Variants in PAFAH1B1 observed in about 807,000 individuals in gnomAD.
The protein encoded by PAFAH1B1 is platelet activating factor acetylhydrolase 1b regulatory subunit 1.
In PAFAH1B1, 2 loss-of-function variants were observed where a neutral mutation model predicts 57.5. The observed-to-expected ratio is 0.03, with a 90% confidence interval of 0.01 to 0.11. The LOEUF is 0.11. Among genes scored for constraint, PAFAH1B1 ranks in the 10% least tolerant of loss-of-function variants. PAFAH1B1 has a pLI of 1.00. For missense variants in PAFAH1B1, 257 were observed against 512.0 expected (o/e 0.50, Z 4.81); for synonymous variants, 152 against 169.6 (o/e 0.90, Z 0.81).
chr17:2,596,445 T>C (rs1247889867), intron 1 of PAFAH1B1, among the ~76,000 whole-genome samples: 1 of 152,180 alleles, frequency 6.6e-6, no homozygotes, highest in Non-Finnish European at 1.5e-5. Flanking sequence ...CCTTCAGATC[T>C]TTTCTCTTGT....
intron 2 of PAFAH1B1, among the ~76,000 whole-genome samples, chr17:2,664,692 CTT>C (rs767130424): frequency 0.029 from 1,624 of 55,358 alleles, 54 homozygotes; most frequent in Middle Eastern, 0.058. Flanking sequence ...CTCTCTCTCT[CTT>C]TCTCTCTCCA....
chr17:2,623,265 T>C (rs867387448), intron 1 of PAFAH1B1, among the ~76,000 whole-genome samples: 20 of 142,164 alleles, frequency 1.4e-4, no homozygotes, highest in African/African-American at 2.2e-4. Context: ...TCCTTTCTTT[T>C]TTTTTTTTTT....
intron 1 of PAFAH1B1, among the ~76,000 whole-genome samples, chr17:2,625,170 C>G (rs375060661): frequency 6.6e-6 from 1 of 152,046 alleles, no homozygotes; most frequent in African/African-American, 2.4e-5. Flanking sequence ...ATTCTGCATT[C>G]CAAAAGCATA....
chr17:2,666,902 C>T (rs543717219), intron 4 of PAFAH1B1, 90 bp from the exon 5 acceptor site: 15 of 873,440 alleles, frequency 1.7e-5, no homozygotes, highest in African/African-American at 1.3e-4. Context: ...ATCCTACATA[C>T]ATAGTTGCAA....
intron 1 of PAFAH1B1, among the ~76,000 whole-genome samples, chr17:2,627,873 T>C (rs572837136): frequency 6.6e-6 from 1 of 152,330 alleles, no homozygotes; most frequent in African/African-American, 2.4e-5. Flanking sequence ...GATTTGATCC[T>C]CTGCTTAGTT....
intron 1 of PAFAH1B1, among the ~76,000 whole-genome samples, chr17:2,616,268 T>A (rs1330805718): frequency 1.3e-5 from 2 of 152,184 alleles, no homozygotes; most frequent in Non-Finnish European, 2.9e-5. Flanking sequence ...CGGTTCTATA[T>A]TATAGAAGAA....
intron 2 of PAFAH1B1, among the ~76,000 whole-genome samples, chr17:2,651,701 T>C (rs1173429390): frequency 2.0e-5 from 3 of 152,214 alleles, no homozygotes; most frequent in Admixed American, 6.5e-5. Flanking sequence ...CTTAAGTGTT[T>C]TCCGTAGTAA....
chr17:2,609,279 G>A (rs752885504), intron 1 of PAFAH1B1, among the ~76,000 whole-genome samples: 4 of 152,082 alleles, frequency 2.6e-5, no homozygotes, highest in Non-Finnish European at 4.4e-5. Flanking sequence ...CAAAGTTGTG[G>A]GATTGCAGGG....
chr17:2,682,027 A>C lies in PAFAH1B1; in HGVS notation c.*225A>C. 2.0e-6 allele frequency: 1 copy of C among 492,626 alleles called. No individual in the cohort carries two copies. The highest frequency in any genetic ancestry group is 3.2e-5 in the East Asian group (1 of 31,260). 30.5% of individuals were successfully genotyped at this position (492,626 alleles called of 1,614,324 possible). A position where few individuals can be genotyped will look rare whatever the true frequency, so the allele number is the denominator to read the frequency against. ...TTGTCTAGAAGTACCATAGGGTTTA[A>C]AAACCTGGGCTGGCATTGGTCACAC... On this transcript the variant is annotated 3_prime_UTR_variant, in exon 11 of 11. Transcript: ENST00000397195.
Position 2,680,374 on chromosome 17 carries a change from CTG to C in PAFAH1B1, c.1159+58_1159+59del, listed in dbSNP as rs1372543127. ...ATTAGATTTTGGAGTGCCAGACAAA[CTG>C]TGTTTTACATAATCGTGTGGACTTT... is the stretch of plus-strand genomic sequence containing the variant. On this transcript the variant is annotated intron_variant, in intron 10 of 10. Transcript: ENST00000397195. 3.8e-5 allele frequency: 56 copies of C among 1,491,916 alleles called. No individual in the cohort carries two copies. In the East Asian group the frequency reaches 1.2e-3, roughly 33 times the overall value. 92.4% of individuals were successfully genotyped at this position (1,491,916 alleles called of 1,614,324 possible).
In PAFAH1B1 at chr17:2,628,779, C is replaced by T. The variant is rs566578561; in HGVS notation, c.-190-9320C>T. Among the ~76,000 whole-genome samples, 10 of 152,220 alleles carry T rather than the reference C, an allele frequency of 6.6e-5. No individual in the cohort carries two copies. In the South Asian group the frequency reaches 2.1e-3, roughly 32 times the overall value. On this transcript the variant is annotated intron_variant, in intron 1 of 10. Coordinates refer to ENST00000397195, the MANE Select transcript of PAFAH1B1 (RefSeq NM_000430.4). ...TTCAGTGTCACTGCTTGTTATTGGTCTGTTCAGCGTATCTAATTCTTCCTG... is the reference window on the plus strand; with the variant it reads ...TTCAGTGTCACTGCTTGTTATTGGTTTGTTCAGCGTATCTAATTCTTCCTG...
intron 1 of PAFAH1B1, among the ~76,000 whole-genome samples, chr17:2,626,300 G>T (rs1021224818): frequency 1.3e-5 from 2 of 151,946 alleles, no homozygotes; most frequent in African/African-American, 4.8e-5. Flanking sequence ...TTGCGATTAT[G>T]TGTTAACCAT....
At chr17:2,677,259 T>C (rs1189262217) in intron 9 of PAFAH1B1, among the ~76,000 whole-genome samples, 1 of 152,254 alleles carries the variant, frequency 6.6e-6, no homozygotes, top group Admixed American at 6.5e-5. Flanking sequence ...TTTCACTTTA[T>C]TTATATGAAT....
intron 1 of PAFAH1B1, among the ~76,000 whole-genome samples, chr17:2,615,679 T>A (rs2068330988): frequency 6.6e-6 from 1 of 151,856 alleles, no homozygotes; most frequent in Non-Finnish European, 1.5e-5. Context: ...GACCTCATGA[T>A]CCCCCTGCCT....
chr17:2,676,621 T>C lies in PAFAH1B1; in HGVS notation c.1002+15T>C. On this transcript the variant is annotated intron_variant, in intron 9 of 10. Coordinates refer to ENST00000397195, the MANE Select transcript of PAFAH1B1 (RefSeq NM_000430.4). ...TTATGACCCTCGTAAGTTTGCATAATCTTACCATTTCTTTTGCATCTTCAC... is the reference window on the plus strand; with the variant it reads ...TTATGACCCTCGTAAGTTTGCATAACCTTACCATTTCTTTTGCATCTTCAC... The C allele has an allele frequency of 1.4e-6, 2 of 1,421,936 alleles. No individual in the cohort carries two copies. The highest frequency in any genetic ancestry group is 2.0e-6 in the Non-Finnish European group (2 of 1,004,560). 88.1% of individuals were successfully genotyped at this position (1,421,936 alleles called of 1,614,324 possible).
intron 2 of PAFAH1B1, among the ~76,000 whole-genome samples, chr17:2,663,081 C>A (rs7211181): frequency 0.25 from 38,098 of 151,940 alleles, 5,520 homozygotes; most frequent in East Asian, 0.41. Flanking sequence ...CCATTGCACC[C>A]CAGCCTGGGC....
At chr17:2,651,844 C>T (rs1310462642) in intron 2 of PAFAH1B1, among the ~76,000 whole-genome samples, 2 of 152,090 alleles carry the variant, frequency 1.3e-5, no homozygotes, top group Non-Finnish European at 2.9e-5. Flanking sequence ...CCAACATTGA[C>T]ACATTATTAC....
rs1023269170 is a variant in PAFAH1B1, at chr17:2,593,957, G to C, written c.-240G>C. The C allele has an allele frequency of 1.3e-5, 5 of 388,798 alleles. No individual in the cohort carries two copies. Among genetic ancestry groups the C allele is most frequent in the Non-Finnish European group, 1.8e-5 (4 of 220,770 alleles). The allele number at this position is 388,798 out of a possible 1,614,324, so 24.1% of individuals were successfully genotyped here. A position where few individuals can be genotyped will look rare whatever the true frequency, so the allele number is the denominator to read the frequency against. On this transcript the variant is annotated 5_prime_UTR_variant, in exon 1 of 11. It removes an upstream start codon present in the reference 5' UTR. Transcript: ENST00000397195. ...CCCTCCCCCTCCCCCGCCGGTGGATGGGAGTGAAGGACGGAAGAGGCCCTG... is the reference window on the plus strand; with the variant it reads ...CCCTCCCCCTCCCCCGCCGGTGGATCGGAGTGAAGGACGGAAGAGGCCCTG...
At chr17:2,617,602 TAAG>T (rs934479875) in intron 1 of PAFAH1B1, among the ~76,000 whole-genome samples, 2 of 152,130 alleles carry the variant, frequency 1.3e-5, no homozygotes, top group African/African-American at 4.8e-5. Context: ...TGAAGCAGAA[TAAG>T]AAGTAGACGT....
Sources: allele counts gnomAD v4.1 joint callset (sites outside exome capture counted in the v4.1 genomes callset), GRCh38; gene constraint gnomAD v4.1.1; transcripts MANE v1.5; gene names NCBI Gene and HGNC (gene_info 2026-07-23, HGNC 2026-07-21).